Variants in ALDH5A1 observed in about 807,000 individuals in gnomAD.
ALDH5A1 encodes succinate-semialdehyde dehydrogenase, mitochondrial.
A neutral mutation model predicts 54.7 loss-of-function variants in ALDH5A1; 33 were observed. The observed-to-expected ratio is 0.60, with a 90% CI of 0.46 to 0.81. The LOEUF (loss-of-function observed/expected upper bound fraction) is 0.81, where lower values mean the gene tolerates loss of function less well. Ranked by LOEUF, ALDH5A1 falls within the 30% of genes least tolerant of loss-of-function variation. The pLI, the probability that ALDH5A1 is intolerant of heterozygous loss-of-function variation, is 0.00. For missense variants in ALDH5A1, 657 were observed against 711.0 expected, an observed-to-expected ratio of 0.92 and a Z score of 0.86; for synonymous variants, 294 against 292.7, an observed-to-expected ratio of 1.00 and a Z score of -0.05.
intron 7 of ALDH5A1, among the ~76,000 whole-genome samples, chr6:24,525,725 G>T (rs6921564): frequency 0.19 from 28,607 of 151,930 alleles, 3,839 homozygotes; most frequent in African/African-American, 0.38. Context: ...AGTCAAAATA[G>T]ATGGGTCTAC....
At chr6:24,520,791 G>A (rs994143456) in intron 6 of ALDH5A1, among the ~76,000 whole-genome samples, 3 of 152,050 alleles carry the variant, frequency 2.0e-5, no homozygotes, top group Non-Finnish European at 4.4e-5. Flanking sequence ...TTATTACCAG[G>A]GTTATACTAG....
chr6:24,531,370 T>A (rs1163187783), intron 8 of ALDH5A1, among the ~76,000 whole-genome samples: 2 of 152,246 alleles, frequency 1.3e-5, no homozygotes, highest in African/African-American at 4.8e-5. Flanking sequence ...TGCAGTTGAC[T>A]ATGATGTAGC....
intron 4 of ALDH5A1, among the ~76,000 whole-genome samples, chr6:24,514,889 C>T (rs1248051778): frequency 6.6e-6 from 1 of 152,086 alleles, no homozygotes; most frequent in Non-Finnish European, 1.5e-5. Flanking sequence ...CCTCTCAACT[C>T]TGCCTCCCAA....
Position 24,502,323 on chromosome 6 carries a change from G to A in ALDH5A1, c.355-200G>A, listed in dbSNP as rs115197031. On this transcript the variant is annotated intron_variant, in intron 1 of 9. Coordinates refer to ENST00000357578, the MANE Select transcript of ALDH5A1 (RefSeq NM_001080.3). The stretch of plus-strand genomic sequence containing the variant: ...ACTGATTCAAATGCTAATCTCTTCC[G>A]AAAACACTCACGGACATACCCAGAA... Among the ~76,000 whole-genome samples, 651 of 152,156 alleles carry A rather than the reference G, an allele frequency of 4.3e-3. 6 individuals are homozygous for A. The highest frequency in any genetic ancestry group is 0.015 in the African/African-American group (610 of 41,500).
chr6:24,505,076 T>G, intron 4 of ALDH5A1, 91 bp downstream of exon 4: 1 of 1,353,860 alleles, frequency 7.4e-7, no homozygotes, highest in Non-Finnish European at 1.1e-6. Context: ...TGGAGCCTAC[T>G]TCTTTGCTTA....
intron 4 of ALDH5A1, 23 bp from the exon 5 acceptor site, chr6:24,515,144 A>G: frequency 6.7e-7 from 1 of 1,482,538 alleles, no homozygotes; most frequent in Non-Finnish European, 9.0e-7. Flanking sequence ...TTGTTGGCAC[A>G]TGTTTGCTGT....
Position 24,533,615 on chromosome 6 carries a change from T to C in ALDH5A1, c.1511T>C (p.Phe504Ser). The C allele has an allele frequency of 6.2e-7, 1 of 1,614,074 alleles. No homozygotes were observed. The highest frequency in any genetic ancestry group is 8.5e-7 in the Non-Finnish European group (1 of 1,180,006). Residue 504 changes from phenylalanine to serine, a missense_variant, in exon 10 of 10, where the codon TTT (phenylalanine) becomes TCT (serine). This residue lies in a region of ALDH5A1 where 425 missense variants were observed against 516.4 expected (regional missense o/e 0.82). Transcript: ENST00000357578. ...TTAATTTCCTCTGTGGAGTGCCCTT[T>C]TGGTGGAGTGAAGCAGTCCGGCCTT... ...EGLISSVECP[F>S]GGVKQSGLGR...
chr6:24,523,988 T>G (rs1355901134), intron 7 of ALDH5A1, among the ~76,000 whole-genome samples: 26 of 142,028 alleles, frequency 1.8e-4, no homozygotes, highest in East Asian at 6.2e-4. Context: ...TTTTTGTGTT[T>G]TTTTTTTTTT....
Position 24,521,857 on chromosome 6 carries a change from A to ATTT in ALDH5A1, c.1015-887_1015-885dup, listed in dbSNP as rs71542679. On this transcript the variant is annotated intron_variant, in intron 6 of 9. Transcript: ENST00000357578. ...AACAGAGTGAGACTCTGTCTCTACA[A>ATTT]TTTTTTTTTTTTTTTTTTTTTTTTT... Among the ~76,000 whole-genome samples, 192 of 98,228 alleles carry ATTT rather than the reference A, an allele frequency of 2.0e-3. 1 individual carries two copies. Among genetic ancestry groups the ATTT allele is most frequent in the African/African-American group, 6.2e-3 (136 of 21,956 alleles). The allele number at this position is 98,228 out of a possible 152,430, so 64.4% of individuals were successfully genotyped here. A position where few individuals can be genotyped will look rare whatever the true frequency, so the allele number is the denominator to read the frequency against.
In ALDH5A1 at chr6:24,534,166, C is replaced by T. The variant is rs1040677571; in HGVS notation, c.*454C>T. The T allele has an allele frequency of 2.7e-5, 5 of 188,240 alleles. No individual in the cohort carries two copies. Among genetic ancestry groups the T allele is most frequent in the Non-Finnish European group, 4.5e-5 (4 of 88,402 alleles). The allele number at this position is 188,240 out of a possible 1,614,324, so 11.7% of individuals were successfully genotyped here. On this transcript the variant is annotated 3_prime_UTR_variant, in exon 10 of 10. Transcript: ENST00000357578. ...AGGTGAGGGGCACAGCACCCCTCCC[C>T]GGCATCTGCCAGCTCAGCACAGAAG...
At chr6:24,497,732 G>A (rs892480376) in intron 1 of ALDH5A1, among the ~76,000 whole-genome samples, 2 of 152,182 alleles carry the variant, frequency 1.3e-5, no homozygotes, top group African/African-American at 4.8e-5. Flanking sequence ...TATCAGAGGA[G>A]GTCATAGGGA....
chr6:24,522,607 C>G, intron 6 of ALDH5A1, 160 bp from the exon 7 acceptor site: 3 of 783,520 alleles, frequency 3.8e-6, no homozygotes, highest in Non-Finnish European at 6.4e-6. Flanking sequence ...GTGCTTTTAT[C>G]TTTGGGGCCA....
At chr6:24,505,197 T>C (rs1299774514) in intron 4 of ALDH5A1, among the ~76,000 whole-genome samples, 1 of 152,236 alleles carries the variant, frequency 6.6e-6, no homozygotes, top group Non-Finnish European at 1.5e-5. Context: ...CTGCAGGCCA[T>C]ATGTTTTCAG....
At position 24,535,089 on chromosome 6, in the gene ALDH5A1, G is replaced by A. The variant is rs2127391681; in HGVS notation, c.*1377G>A. 6.6e-6 allele frequency: 1 copy of A among 152,352 alleles called. No individual in the cohort carries two copies. Among genetic ancestry groups the A allele is most frequent in the Non-Finnish European group, 1.5e-5 (1 of 68,044 alleles). 9.4% of individuals were successfully genotyped at this position (152,352 alleles called of 1,614,324 possible). A position where few individuals can be genotyped will look rare whatever the true frequency, so the allele number is the denominator to read the frequency against. On this transcript the variant is annotated 3_prime_UTR_variant, in exon 10 of 10. Coordinates refer to ENST00000357578, the MANE Select transcript of ALDH5A1 (RefSeq NM_001080.3). ...AGGCGGCCAAGTAGGTGGAGACGAA[G>A]CACCTTCCTTTCCCCATCTCTGTCT...
At chr6:24,514,615 A>C (rs1759525664) in intron 4 of ALDH5A1, among the ~76,000 whole-genome samples, 1 of 152,094 alleles carries the variant, frequency 6.6e-6, no homozygotes, top group Non-Finnish European at 1.5e-5. Context: ...CTGTAATCCC[A>C]GCTACTCGGA....
In ALDH5A1 at chr6:24,534,994, C is replaced by T. The variant is rs896121639; in HGVS notation, c.*1282C>T. 1 of 152,186 alleles carries T rather than the reference C, an allele frequency of 6.6e-6. No individual in the cohort carries two copies. The highest frequency in any genetic ancestry group is 2.1e-4 in the South Asian group (1 of 4,828). 9.4% of individuals were successfully genotyped at this position (152,186 alleles called of 1,614,324 possible). A position where few individuals can be genotyped will look rare whatever the true frequency, so the allele number is the denominator to read the frequency against. On this transcript the variant is annotated 3_prime_UTR_variant, in exon 10 of 10. Transcript: ENST00000357578. The stretch of plus-strand genomic sequence containing the variant: ...CAAATAACGCACAAAAAACAAAAGC[C>T]GCTATGACCGGCGTTGCCTCTCACT...
chr6:24,521,566 A>C (rs1759682250), intron 6 of ALDH5A1, among the ~76,000 whole-genome samples: 2 of 152,220 alleles, frequency 1.3e-5, no homozygotes, highest in South Asian at 4.1e-4. Flanking sequence ...GAAATGTGTG[A>C]TATTCTCTAT....
intron 7 of ALDH5A1, 82 bp downstream of exon 7, chr6:24,523,007 G>T: frequency 1.8e-6 from 2 of 1,130,190 alleles, no homozygotes; most frequent in Non-Finnish European, 2.5e-6. Flanking sequence ...ACTTTGGCTG[G>T]AGGGGTGGGG....
At chr6:24,498,333 T>A (rs1383956655) in intron 1 of ALDH5A1, among the ~76,000 whole-genome samples, 6 of 152,182 alleles carry the variant, frequency 3.9e-5, no homozygotes, top group Non-Finnish European at 5.9e-5. Context: ...GCATACATAC[T>A]TACAGCTATG....
Sources: allele counts gnomAD v4.1 joint callset (sites outside exome capture counted in the v4.1 genomes callset), GRCh38; gene constraint gnomAD v4.1.1; regional missense constraint gnomAD v4.1.1; transcripts MANE v1.5; gene names NCBI Gene and HGNC (gene_info 2026-07-23, HGNC 2026-07-21).